Variants in PLEKHA5 observed in about 807,000 individuals in gnomAD.
The protein encoded by PLEKHA5 is pleckstrin homology domain containing A5.
In PLEKHA5, 55 loss-of-function variants were observed where a neutral mutation model predicts 181.9. The ratio of observed to expected loss-of-function variants is 0.30; its 90% CI spans 0.24 to 0.38. The LOEUF is 0.38. Ranked by LOEUF, PLEKHA5 falls within the 10% of genes least tolerant of loss-of-function variation. The probability of loss-of-function intolerance (pLI) is 1.00; values close to 1 mark genes in which losing one functional copy is unlikely to be tolerated. For missense variants in PLEKHA5, 1,432 were observed against 1,549.5 expected (o/e 0.92, Z 1.27); for synonymous variants, 535 against 529.4 (o/e 1.01, Z -0.15).
In PLEKHA5 at chr12:19,359,485, C is replaced by T. The variant is rs1349621060; in HGVS notation, c.3422C>T (p.Pro1141Leu). 5.6e-6 allele frequency: 9 copies of T among 1,613,596 alleles called. No homozygotes were observed. In the Admixed American group the frequency reaches 1.5e-4, roughly 27 times the overall value. Residue 1141 changes from proline to leucine, a missense_variant, in exon 28 of 32, where the codon CCT becomes CTT. Physicochemically the swap from Pro to Leu is moderately conservative, Grantham distance 98 (BLOSUM62 -3). Coordinates refer to ENST00000429027, the MANE Select transcript of PLEKHA5 (RefSeq NM_001256470.2). ...GATGTAAAGCCAGACCATGAAACTC[C>T]TGCAACAGAAATTGTTCAACTAAAA... ...ENDVKPDHET[P>L]ATEIVQLKET...
intron 4 of PLEKHA5, among the ~76,000 whole-genome samples, chr12:19,254,833 T>C (rs543735184): frequency 1.2e-4 from 18 of 152,248 alleles, no homozygotes; most frequent in African/African-American, 4.3e-4. Flanking sequence ...TAAAAACTAA[T>C]AATAAATAAA....
At chr12:19,317,806 T>C (rs1282341536) in intron 16 of PLEKHA5, among the ~76,000 whole-genome samples, 2 of 151,668 alleles carry the variant, frequency 1.3e-5, no homozygotes, top group Non-Finnish European at 2.9e-5. Flanking sequence ...TATAACACAC[T>C]CCTCAACCTG....
chr12:19,361,169 GTTTA>G (rs916850908), intron 28 of PLEKHA5, among the ~76,000 whole-genome samples: 8 of 151,996 alleles, frequency 5.3e-5, no homozygotes, highest in East Asian at 1.9e-4. Context: ...GAGTGTGATT[GTTTA>G]TTTATTTTTT....
At chr12:19,199,979 TA>T (rs1211649491) in intron 3 of PLEKHA5, among the ~76,000 whole-genome samples, 1 of 151,956 alleles carries the variant, frequency 6.6e-6, no homozygotes, top group Non-Finnish European at 1.5e-5. Flanking sequence ...GATGACAGTA[TA>T]GGGGGAAGGG....
chr12:19,260,500 A>T (rs1278353104), intron 6 of PLEKHA5, among the ~76,000 whole-genome samples: 2 of 152,196 alleles, frequency 1.3e-5, no homozygotes, highest in African/African-American at 4.8e-5. Flanking sequence ...CCAAATTTTT[A>T]ATTGGCCTTT....
Position 19,322,677 on chromosome 12 carries a change from T to A in PLEKHA5, c.2448+10T>A. ...TTCTCGAGCCACTGCCGTAAGTAGA[T>A]TTTTTTTTTCCCCTAATAAAAGTAG... On this transcript the variant is annotated intron_variant, in intron 20 of 31. Transcript: ENST00000429027. The A allele has an allele frequency of 7.1e-7, 1 of 1,416,368 alleles. No homozygotes were observed. 87.7% of individuals were successfully genotyped at this position (1,416,368 alleles called of 1,614,324 possible). A position where few individuals can be genotyped will look rare whatever the true frequency, so the allele number is the denominator to read the frequency against.
chr12:19,310,210 A>G (rs536301103), intron 15 of PLEKHA5, among the ~76,000 whole-genome samples: 8 of 152,328 alleles, frequency 5.3e-5, no homozygotes, highest in African/African-American at 1.9e-4. Flanking sequence ...CTTTCCTCTG[A>G]TTCCTTACAC....
intron 15 of PLEKHA5, chr12:19,303,873 A>G (rs1302540247): frequency 7.8e-6 from 1 of 128,088 alleles, no homozygotes; most frequent in Non-Finnish European, 1.6e-5. Flanking sequence ...CCAGGAGTGC[A>G]GTGGCAATCA....
chr12:19,342,809 A>G (rs954369093), intron 21 of PLEKHA5, among the ~76,000 whole-genome samples: 2 of 151,882 alleles, frequency 1.3e-5, no homozygotes, highest in Non-Finnish European at 2.9e-5. Context: ...ATACATTTAA[A>G]CTCTGTCAGT....
intron 15 of PLEKHA5, among the ~76,000 whole-genome samples, chr12:19,302,251 T>A (rs370078321): frequency 1.3e-5 from 2 of 152,356 alleles, no homozygotes; most frequent in South Asian, 2.1e-4. Context: ...TTCTTCTTAG[T>A]TAACAGTGAA....
intron 3 of PLEKHA5, among the ~76,000 whole-genome samples, chr12:19,135,355 T>A (rs2035303215): frequency 6.6e-6 from 1 of 152,122 alleles, no homozygotes; most frequent in Admixed American, 6.5e-5. Flanking sequence ...TGGAGCTCAG[T>A]CTTCACGTCT....
intron 3 of PLEKHA5, among the ~76,000 whole-genome samples, chr12:19,184,711 C>G (rs2049411673): frequency 6.6e-6 from 1 of 151,904 alleles, no homozygotes; most frequent in African/African-American, 2.4e-5. Context: ...TTGGGTGTGG[C>G]TATAGGTTTT....
chr12:19,292,795 C>T (rs1401166958), intron 15 of PLEKHA5, among the ~76,000 whole-genome samples: 4 of 152,036 alleles, frequency 2.6e-5, no homozygotes, highest in Admixed American at 6.6e-5. Flanking sequence ...AAAAACTAGC[C>T]GAGCATGGTG....
intron 28 of PLEKHA5, 150 bp downstream of exon 28, chr12:19,359,696 G>T (rs1020997447): frequency 2.6e-5 from 19 of 728,548 alleles, no homozygotes; most frequent in Non-Finnish European, 4.2e-5. Context: ...GGGCGCGGTG[G>T]CTCACGTCTG....
Position 19,274,960 on chromosome 12 carries a change from G to A in PLEKHA5, c.1290G>A (p.Arg430=). Reference sequence around the variant, plus strand: ...AGTGGATTAAAATCCAGAAGGGGAGGGGTCATGAAGAAGAAACCAGGGGGT... The same window carrying A: ...AGTGGATTAAAATCCAGAAGGGGAGAGGTCATGAAGAAGAAACCAGGGGGT... The part of the protein sequence containing the change: ...LEQWIKIQKG[R]GHEEETRGVI... Residue 430 remains arginine (R), a synonymous_variant, in exon 11 of 32, where the codon AGG becomes AGA. Coordinates refer to ENST00000429027, the MANE Select transcript of PLEKHA5 (RefSeq NM_001256470.2). The A allele has an allele frequency of 6.2e-7, 1 of 1,609,360 alleles. No homozygotes were observed. The highest frequency in any genetic ancestry group is 1.1e-5 in the South Asian group (1 of 91,022).
intron 3 of PLEKHA5, among the ~76,000 whole-genome samples, chr12:19,166,143 C>G (rs1010082573): frequency 6.6e-6 from 1 of 151,976 alleles, no homozygotes. Flanking sequence ...TCATAATGTT[C>G]TTTTTTTCAA....
intron 3 of PLEKHA5, among the ~76,000 whole-genome samples, chr12:19,156,777 G>A (rs1227815328): frequency 6.6e-6 from 1 of 151,796 alleles, no homozygotes; most frequent in Non-Finnish European, 1.5e-5. Flanking sequence ...CAGCACGGTG[G>A]CTCACGCCTG....
chr12:19,190,034 T>A (rs2050732663), intron 3 of PLEKHA5, among the ~76,000 whole-genome samples: 1 of 152,216 alleles, frequency 6.6e-6, no homozygotes, highest in African/African-American at 2.4e-5. Context: ...AACGTGCGCT[T>A]CTTCATTTCC....
intron 3 of PLEKHA5, among the ~76,000 whole-genome samples, chr12:19,196,153 T>C (rs1174642237): frequency 6.6e-6 from 1 of 152,210 alleles, no homozygotes. Context: ...ATGAGTCTTT[T>C]CTAAACTTTT....
Sources: gnomAD v4.1 joint callset for allele counts (sites outside exome capture counted in the v4.1 genomes callset) on GRCh38, gnomAD v4.1.1 for gene constraint, MANE v1.5 for transcripts, NCBI Gene and HGNC (gene_info 2026-07-23, HGNC 2026-07-21) for gene names.